Variants in DGKB observed in about 807,000 individuals in gnomAD.
The protein encoded by DGKB is diacylglycerol kinase beta, also known as 90 kDa diacylglycerol kinase.
Under a neutral mutation model 114.3 loss-of-function variants are expected in DGKB, and 67 were observed. That is an observed-to-expected ratio of 0.59 (90% CI 0.48 to 0.72). The LOEUF (loss-of-function observed/expected upper bound fraction) is 0.72. Among genes scored for constraint, DGKB ranks in the 30% least tolerant of loss-of-function variants. The pLI, the probability that DGKB is intolerant of heterozygous loss-of-function variation, is 0.00. For missense variants in DGKB, 907 were observed against 975.2 expected, an observed-to-expected ratio of 0.93 and a Z score of 0.93; for synonymous variants, 398 against 323.1, an observed-to-expected ratio of 1.23 and a Z score of -2.49.
At chr7:14,574,125 T>C (rs1798773688) in intron 20 of DGKB, 87 bp downstream of exon 20, 2 of 1,036,168 alleles carry the variant, frequency 1.9e-6, no homozygotes, top group Non-Finnish European at 2.7e-6. Context: ...AAGTTATTTA[T>C]AATCAGTAAA....
intron 2 of DGKB, among the ~76,000 whole-genome samples, chr7:14,802,669 A>G (rs745521556): frequency 3.9e-5 from 6 of 152,128 alleles, no homozygotes; most frequent in Non-Finnish European, 7.4e-5. Flanking sequence ...AATAGTTGTG[A>G]ACCTACCACA....
At position 14,662,407 on chromosome 7, in the gene DGKB, C is replaced by T. The variant is rs35730358; in HGVS notation, c.1134+10522G>A. Among the ~76,000 whole-genome samples the T allele has an allele frequency of 3.0e-3, 460 of 151,718 alleles. 3 individuals are homozygous for T. Among genetic ancestry groups the T allele is most frequent in the Non-Finnish European group, 5.5e-3 (373 of 67,876 alleles). On this transcript the variant is annotated intron_variant, in intron 13 of 25. Transcript: ENST00000402815. ...CTTCATTAGGAATGGGTTTATAGTA[C>T]AGAAAGAATTAAACAACCATAAAAG...
intron 6 of DGKB, among the ~76,000 whole-genome samples, chr7:14,711,105 T>G (rs1235901150): frequency 6.6e-6 from 1 of 152,046 alleles, no homozygotes; most frequent in Non-Finnish European, 1.5e-5. Context: ...TCCAGTTGAT[T>G]CCAGTAGGAA....
intron 20 of DGKB, among the ~76,000 whole-genome samples, chr7:14,565,543 A>G (rs1797268409): frequency 6.6e-6 from 1 of 152,170 alleles, no homozygotes; most frequent in Non-Finnish European, 1.5e-5. Context: ...CCACTATGAC[A>G]TGCACCTCAA....
At chr7:14,183,145 G>A (rs1379346622) in intron 23 of DGKB, among the ~76,000 whole-genome samples, 1 of 152,186 alleles carries the variant, frequency 6.6e-6, no homozygotes, top group African/African-American at 2.4e-5. Flanking sequence ...ATGCCTTCCA[G>A]TGATGTTTCA....
chr7:14,221,280 A>T lies in DGKB; in HGVS notation c.2123-43129T>A, dbSNP rs557969782. Among the ~76,000 whole-genome samples, 14 of 151,466 alleles carry T rather than the reference A, an allele frequency of 9.2e-5. No homozygotes were observed. In the East Asian group the frequency reaches 2.3e-3, roughly 25 times the overall value. Reference sequence around the variant, plus strand: ...CTTATTTCTGAATAAAGCATCTAGTATTTCACCATTAAGTATGATATTAGT... The same window carrying T: ...CTTATTTCTGAATAAAGCATCTAGTTTTTCACCATTAAGTATGATATTAGT... On this transcript the variant is annotated intron_variant, in intron 23 of 25. Transcript: ENST00000402815.
intron 22 of DGKB, 30 bp from the exon 23 acceptor site, chr7:14,338,740 G>T: frequency 2.3e-6 from 3 of 1,305,394 alleles, no homozygotes; most frequent in South Asian, 1.9e-5. Flanking sequence ...AAACAGAAAC[G>T]GAATATTTTA....
chr7:14,276,622 C>T (rs1799040239), intron 23 of DGKB, among the ~76,000 whole-genome samples: 1 of 151,736 alleles, frequency 6.6e-6, no homozygotes, highest in African/African-American at 2.4e-5. Flanking sequence ...GCAATCATGC[C>T]TAAATTGCAT....
rs143411172 is a variant in DGKB at position 14,178,907 on chromosome 7, C to T, written c.2123-756G>A. Among the ~76,000 whole-genome samples the T allele has an allele frequency of 5.9e-3, 892 of 152,130 alleles. 5 individuals are homozygous for T. Among genetic ancestry groups the T allele is most frequent in the African/African-American group, 0.02 (846 of 41,488 alleles). ...TAGGACTAATTACTTTATATTATCTCATTTGCTCCTGCTCCAGACCAATTT... is the reference window on the plus strand; with the variant it reads ...TAGGACTAATTACTTTATATTATCTTATTTGCTCCTGCTCCAGACCAATTT... On this transcript the variant is annotated intron_variant, in intron 23 of 25. Transcript: ENST00000402815.
intron 23 of DGKB, among the ~76,000 whole-genome samples, chr7:14,195,440 C>A (rs2128280588): frequency 6.6e-6 from 1 of 152,270 alleles, no homozygotes; most frequent in East Asian, 1.9e-4. Flanking sequence ...CACTCTTATT[C>A]TCCTAAGAAC....
At chr7:14,779,788 C>G (rs1418799482) in intron 2 of DGKB, among the ~76,000 whole-genome samples, 1 of 151,970 alleles carries the variant, frequency 6.6e-6, no homozygotes, top group Non-Finnish European at 1.5e-5. Flanking sequence ...TGGTTTTAGT[C>G]TTCTGATTGG....
chr7:14,578,821 T>C (rs1384661618), intron 19 of DGKB, among the ~76,000 whole-genome samples: 3 of 152,218 alleles, frequency 2.0e-5, no homozygotes, highest in African/African-American at 7.2e-5. Flanking sequence ...TCTGAGACTT[T>C]CGAAGCTTCA....
intron 23 of DGKB, among the ~76,000 whole-genome samples, chr7:14,182,093 T>C (rs1782709636): frequency 6.6e-6 from 1 of 152,196 alleles, no homozygotes; most frequent in Admixed American, 6.5e-5. Flanking sequence ...CCTGTGACTT[T>C]GTCACTGATA....
intron 20 of DGKB, among the ~76,000 whole-genome samples, chr7:14,498,568 A>G (rs1785644709): frequency 6.6e-6 from 1 of 151,770 alleles, no homozygotes; most frequent in African/African-American, 2.4e-5. Context: ...CGATTTTATG[A>G]TTAATCATCA....
At chr7:14,381,114 C>G (rs1415271707) in intron 21 of DGKB, among the ~76,000 whole-genome samples, 1 of 152,170 alleles carries the variant, frequency 6.6e-6, no homozygotes, top group East Asian at 1.9e-4. Context: ...CTCAGGGGCT[C>G]GTTCTCTCTG....
At chr7:14,204,991 T>C (rs978889603) in intron 23 of DGKB, among the ~76,000 whole-genome samples, 1 of 152,090 alleles carries the variant, frequency 6.6e-6, no homozygotes, top group Non-Finnish European at 1.5e-5. Context: ...GTTTTTATCC[T>C]CTTAATCAAC....
At chr7:14,775,180 TTTTAA>T (rs1183910710) in intron 2 of DGKB, among the ~76,000 whole-genome samples, 1 of 151,748 alleles carries the variant, frequency 6.6e-6, no homozygotes, top group African/African-American at 2.4e-5. Context: ...TGAAGCTACT[TTTTAA>T]TTTAATATAT....
chr7:14,512,390 A>G (rs148345728), intron 20 of DGKB, among the ~76,000 whole-genome samples: 25 of 152,330 alleles, frequency 1.6e-4, no homozygotes, highest in African/African-American at 6.0e-4. Context: ...TCCAAAGAGT[A>G]GAATTTTCTC....
At chr7:14,872,398 T>C (rs1476989196) in intron 1 of DGKB, among the ~76,000 whole-genome samples, 1 of 152,226 alleles carries the variant, frequency 6.6e-6, no homozygotes, top group African/African-American at 2.4e-5. Context: ...ACCGGTTGAC[T>C]GATGTTGGCA....
Sources: gnomAD v4.1 joint callset for allele counts (sites outside exome capture counted in the v4.1 genomes callset) on GRCh38, gnomAD v4.1.1 for gene constraint, MANE v1.5 for transcripts, NCBI Gene and HGNC (gene_info 2026-07-23, HGNC 2026-07-21) for gene names.